The following TTYH1 variants were observed in gnomAD, a reference collection of about 807,000 sequenced individuals.
TTYH1 encodes the protein tweety family member 1.
A neutral mutation model predicts 61.2 loss-of-function variants in TTYH1; 33 were observed. That is an observed-to-expected ratio of 0.54 (90% CI 0.41 to 0.72). The LOEUF (loss-of-function observed/expected upper bound fraction) is 0.72, where lower values mean the gene tolerates loss of function less well. TTYH1 is among the 30% of genes least tolerant of loss of function. The pLI is 0.00. For synonymous variants in TTYH1, 308 were observed against 266.4 expected (o/e 1.16, Z -1.52); for missense variants, 538 against 575.8 (o/e 0.93, Z 0.67).
chr19:54,419,570 G>T lies in TTYH1; in HGVS notation c.305+264G>T, dbSNP rs956883481. ...GAGAAGGCGCAGGGGCAGTCAGATG[G>T]CCTGGTTTTGGTGGCTCTCCCATTG... On this transcript the variant is annotated intron_variant, in intron 2 of 13. Coordinates refer to ENST00000376530, the MANE Select transcript of TTYH1 (RefSeq NM_020659.4). This position sits in a 1 kb window ranked among gnomAD's most constrained non-coding sequence, Gnocchi z 6.1. The T allele has an allele frequency of 3.7e-5, 25 of 679,978 alleles. No individual in the cohort carries two copies. The highest frequency in any genetic ancestry group is 5.9e-5 in the Non-Finnish European group (22 of 371,392). The allele number at this position is 679,978 out of a possible 1,614,324, so 42.1% of individuals were successfully genotyped here. A position where few individuals can be genotyped will look rare whatever the true frequency, so the allele number is the denominator to read the frequency against.
intron 4 of TTYH1, among the ~76,000 whole-genome samples, chr19:54,422,794 C>T (rs2083244806): frequency 4.6e-5 from 7 of 151,718 alleles, no homozygotes; most frequent in Admixed American, 3.3e-4. Context: ...CTGGGCGTGG[C>T]GGCAGATGTC....
In TTYH1 at chr19:54,422,261, G is replaced by A; in HGVS notation, c.489G>A (p.Glu163=). ...TGACCACCCTGGAGGAGGTGCTCGA[G>A]CCGCGCACGGAGCTGGTGGCTGCCG... ...TELTTLEEVL[E]PRTELVAAAR... The change falls in exon 4 of 14, where the codon GAG becomes GAA. Residue 163 remains glutamate (E), a synonymous_variant. Coordinates refer to ENST00000376530, the MANE Select transcript of TTYH1 (RefSeq NM_020659.4). 1.3e-6 allele frequency: 2 copies of A among 1,565,688 alleles called. No homozygotes were observed. The highest frequency in any genetic ancestry group is 1.7e-6 in the Non-Finnish European group (2 of 1,155,440).
In TTYH1 at chr19:54,426,657, C is replaced by T. The variant is rs775872226; in HGVS notation, c.639-16C>T. ...AGGCAGGTTTGTGGTTTCAGCCCTA[C>T]CCTCTCCCCTCCCAGGTGGCTGGCC... On this transcript the variant is annotated splice_polypyrimidine_tract_variant and intron_variant, in intron 4 of 13. Transcript: ENST00000376530. 10 of 1,610,624 alleles carry T rather than the reference C, an allele frequency of 6.2e-6. No individual in the cohort carries two copies. The highest frequency in any genetic ancestry group is 1.1e-5 in the South Asian group (1 of 90,964).
At chr19:54,430,642 A>C (rs751675887) in intron 8 of TTYH1, 37 bp downstream of exon 8, 8 of 1,410,246 alleles carry the variant, frequency 5.7e-6, no homozygotes, top group Non-Finnish European at 7.9e-6. Flanking sequence ...GTGTTGAGGG[A>C]GCCAGAAATC....
intron 5 of TTYH1, 49 bp downstream of exon 5, chr19:54,426,817 G>A: frequency 6.6e-7 from 1 of 1,521,686 alleles, no homozygotes; most frequent in Non-Finnish European, 9.1e-7. Flanking sequence ...CACTCTCCTG[G>A]CAGGCAGGAC....
At position 54,426,751 on chromosome 19, in the gene TTYH1, C is replaced by A. The variant is rs763176241; in HGVS notation, c.717C>A (p.Ser239Arg). The stretch of plus-strand genomic sequence containing the variant: ...CCCTCCTGGGCCTGGCGAAGCAGAG[C>A]AAGTGGCTGGTGATCGTGTAAGTGC... ...LFTLLGLAKQ[S>R]KWLVIVMTVM... The change falls in exon 5 of 14, where the codon AGC (serine) becomes AGA (arginine). Residue 239 changes from serine (S) to arginine (R), a missense_variant. By Grantham distance (110) the Ser-to-Arg change is moderately radical (BLOSUM62 -1). This residue lies in a region of TTYH1 where 378 missense variants were observed against 401.2 expected (regional missense o/e 0.94). Transcript: ENST00000376530. 1 of 1,613,940 alleles carries A rather than the reference C, an allele frequency of 6.2e-7. No homozygotes were observed. The highest frequency in any genetic ancestry group is 8.5e-7 in the Non-Finnish European group (1 of 1,180,002).
At chr19:54,428,859 C>T (rs1008151694) in intron 5 of TTYH1, among the ~76,000 whole-genome samples, 1 of 152,148 alleles carries the variant, frequency 6.6e-6, no homozygotes, top group Non-Finnish European at 1.5e-5. Context: ...AATGCTGACA[C>T]GCCCCCTGCA....
Position 54,435,290 on chromosome 19 carries a change from C to T in TTYH1, c.1126-252C>T, listed in dbSNP as rs1028230196. Among the ~76,000 whole-genome samples, 25 of 152,024 alleles carry T rather than the reference C, an allele frequency of 1.6e-4. 1 individual carries two copies. The highest frequency in any genetic ancestry group is 1.5e-3 in the Admixed American group (23 of 15,252). On this transcript the variant is annotated intron_variant, in intron 10 of 13. Coordinates refer to ENST00000376530, the MANE Select transcript of TTYH1 (RefSeq NM_020659.4). ...AGATAGGGGCCTGCAATGACAAGGG[C>T]GGGTGCAGCTCAGGAGAAGCCAAGT...
At position 54,436,139 on chromosome 19, in the gene TTYH1, C is replaced by T. The variant is rs962292184; in HGVS notation, c.*10C>T. On this transcript the variant is annotated 3_prime_UTR_variant, in exon 13 of 14. Coordinates refer to ENST00000376530, the MANE Select transcript of TTYH1 (RefSeq NM_020659.4). This position sits in a 1 kb window ranked among gnomAD's most constrained non-coding sequence, Gnocchi z 4.3. ...GCAGTCGTCTATCTGAGCCCCTCCT[C>T]CCGGCTGGACTGGAGCCTGGCTCCC... 1.2e-6 allele frequency: 2 copies of T among 1,614,160 alleles called. No individual in the cohort carries two copies. The highest frequency in any genetic ancestry group is 8.5e-7 in the Non-Finnish European group (1 of 1,179,992).
At chr19:54,427,380 C>T (rs544541070) in intron 5 of TTYH1, among the ~76,000 whole-genome samples, 137 of 136,372 alleles carry the variant, frequency 1.0e-3, no homozygotes, top group Non-Finnish European at 1.8e-3. Flanking sequence ...CCGAGGAGGG[C>T]GGATCACGAG....
At chr19:54,432,805 T>C (rs950168454) in intron 10 of TTYH1, 2 of 152,236 alleles carry the variant, frequency 1.3e-5, no homozygotes, top group Non-Finnish European at 2.9e-5. Context: ...GATACTCAAA[T>C]GTAACTGGAA....
chr19:54,420,976 A>T lies in TTYH1; in HGVS notation c.306-301A>T. 1 of 466,760 alleles carries T rather than the reference A, an allele frequency of 2.1e-6. No homozygotes were observed. The highest frequency in any genetic ancestry group is 2.3e-5 in the South Asian group (1 of 42,960). The allele number at this position is 466,760 out of a possible 1,614,324, so 28.9% of individuals were successfully genotyped here. ...ACGGCCCATCCCGGAGCTGGGTGTG[A>T]CTGGGGTTCTGCTCCAGGGAGGTGC... On this transcript the variant is annotated intron_variant, in intron 2 of 13. Transcript: ENST00000376530. This position sits in a 1 kb window ranked among gnomAD's most constrained non-coding sequence, Gnocchi z 4.8.
intron 1 of TTYH1, among the ~76,000 whole-genome samples, chr19:54,417,925 G>A (rs1463655020): frequency 6.6e-6 from 1 of 151,904 alleles, no homozygotes; most frequent in Non-Finnish European, 1.5e-5. Context: ...GACACACTCA[G>A]GTGCCCCCTC....
chr19:54,435,879 G>T lies in TTYH1; in HGVS notation c.1314+6G>T, dbSNP rs751756892. The T allele has an allele frequency of 5.0e-6, 8 of 1,613,806 alleles. No homozygotes were observed. Among genetic ancestry groups the T allele is most frequent in the Non-Finnish European group, 5.9e-6 (7 of 1,179,936 alleles). ...ACGACCCTTTCAACCCTCAGGTACT[G>T]GATGCCTGGGTCTGAGGGAGGAGGG... On this transcript the variant is annotated splice_donor_region_variant and intron_variant, in intron 12 of 13. Transcript: ENST00000376530.
chr19:54,429,685 A>G lies in TTYH1; in HGVS notation c.808-197A>G, dbSNP rs1469565159. Among the ~76,000 whole-genome samples the G allele has an allele frequency of 6.7e-6, 1 of 148,858 alleles. No individual in the cohort carries two copies. The highest frequency in any genetic ancestry group is 2.5e-5 in the African/African-American group (1 of 40,102). ...GCCTGGACTCCTGAGTCTGAGGGAG[A>G]AAGGGCTGGAGAGTCTGAACCCCTG... On this transcript the variant is annotated intron_variant, in intron 6 of 13. Coordinates refer to ENST00000376530, the MANE Select transcript of TTYH1 (RefSeq NM_020659.4). The surrounding 1 kb of genome is among the most constrained non-coding windows in gnomAD (Gnocchi z 5.1).
chr19:54,417,069 A>C, intron 1 of TTYH1: 1 of 491,802 alleles, frequency 2.0e-6, no homozygotes, highest in Non-Finnish European at 3.1e-6. Flanking sequence ...AGCTGCAGAC[A>C]CAGCCAGGGC....
At chr19:54,431,303 T>A in intron 10 of TTYH1, 112 bp downstream of exon 10, 2 of 708,796 alleles carry the variant, frequency 2.8e-6, no homozygotes, top group Non-Finnish European at 5.0e-6. Flanking sequence ...AGGATATCTC[T>A]GTATCCTCTG....
chr19:54,435,520 C>T (rs780090450), intron 10 of TTYH1, 22 bp from the exon 11 acceptor site: 13 of 1,574,148 alleles, frequency 8.3e-6, no homozygotes, highest in Admixed American at 1.7e-5. Flanking sequence ...GGACGCATGG[C>T]CTGATGACGC....
rs148702639 is a variant in TTYH1, at chr19:54,416,939, G to A, written c.126+1261G>A. 33,204 of 1,266,222 alleles carry A rather than the reference G, an allele frequency of 0.026. 469 individuals carry two copies. The highest frequency in any genetic ancestry group is 0.03 in the Middle Eastern group (117 of 3,860). 78.4% of individuals were successfully genotyped at this position (1,266,222 alleles called of 1,614,324 possible). The stretch of plus-strand genomic sequence containing the variant: ...CACCGCCAGAGGCACGGGTTTGGGG[G>A]AGCCTCACTCCGCCCCCACGGTCGG... On this transcript the variant is annotated intron_variant, in intron 1 of 13. Coordinates refer to ENST00000376530, the MANE Select transcript of TTYH1 (RefSeq NM_020659.4). The surrounding 1 kb of genome is among the most constrained non-coding windows in gnomAD (Gnocchi z 7.0).
Sources: allele counts gnomAD v4.1 joint callset (sites outside exome capture counted in the v4.1 genomes callset), GRCh38; gene constraint gnomAD v4.1.1; regional missense constraint gnomAD v4.1.1; non-coding constraint Gnocchi (gnomAD v3.1); transcripts MANE v1.5; gene names NCBI Gene and HGNC (gene_info 2026-07-23, HGNC 2026-07-21).